The following ZNF638 variants were observed in gnomAD, a reference collection of about 807,000 sequenced individuals.
ZNF638 encodes CTCL tumor antigen se33-1.
ZNF638 carries 46 observed loss-of-function variants against 195.6 expected under a neutral mutation model. That is an observed-to-expected ratio of 0.24 (90% CI 0.19 to 0.30). The LOEUF is 0.30. ZNF638 is among the 10% of genes least tolerant of loss of function. The probability of loss-of-function intolerance (pLI) is 1.00; values close to 1 mark genes in which losing one functional copy is unlikely to be tolerated. For missense variants in ZNF638, 2,440 were observed against 2,325.3 expected (o/e 1.05, Z -1.01); for synonymous variants, 845 against 772.0 (o/e 1.09, Z -1.57).
intron 21 of ZNF638, 148 bp downstream of exon 21, chr2:71,418,787 T>G: frequency 2.1e-6 from 1 of 482,036 alleles, no homozygotes; most frequent in South Asian, 6.1e-5. Flanking sequence ...ACAGTTTTCT[T>G]TTTGGACTCA....
intron 24 of ZNF638, 44 bp from the exon 25 acceptor site, chr2:71,428,503 A>T: frequency 6.5e-7 from 1 of 1,532,274 alleles, no homozygotes; most frequent in African/African-American, 1.4e-5. Flanking sequence ...AAAGCAATTT[A>T]AATACTGTTA....
chr2:71,388,441 C>T (rs2542529), intron 10 of ZNF638: 614,641 of 684,714 alleles, frequency 0.9, 276,259 homozygotes, highest in East Asian at 0.99. Flanking sequence ...GGGGCAACAA[C>T]TACCCACAGA....
intron 20 of ZNF638, among the ~76,000 whole-genome samples, chr2:71,411,474 A>ATTTTTTTTTTTTTTTTTTTATTTTTTAT (rs537942317): frequency 8.1e-6 from 1 of 122,772 alleles, no homozygotes; most frequent in Admixed American, 8.3e-5. Flanking sequence ...TTTATTTTTA[A>ATTTTTTTTTTTTTTTTTTTATTTTTTAT]TTTTTTTTTT....
At chr2:71,391,537 T>C (rs2079777726) in intron 10 of ZNF638, among the ~76,000 whole-genome samples, 3 of 152,192 alleles carry the variant, frequency 2.0e-5, no homozygotes, top group Admixed American at 6.5e-5. Context: ...GCCAATACTT[T>C]TGAGTTTATA....
chr2:71,333,364 A>G (rs2078607125), intron 1 of ZNF638, among the ~76,000 whole-genome samples: 1 of 152,236 alleles, frequency 6.6e-6, no homozygotes, highest in Non-Finnish European at 1.5e-5. Context: ...TAACAGTTGG[A>G]AGAAATCACA....
chr2:71,393,438 G>A (rs754814090), intron 10 of ZNF638: 11 of 718,472 alleles, frequency 1.5e-5, no homozygotes, highest in Middle Eastern at 2.3e-4. Flanking sequence ...ATACCATGGC[G>A]TGGCTAGGAC....
intron 1 of ZNF638, among the ~76,000 whole-genome samples, chr2:71,338,570 A>G (rs2078711159): frequency 6.6e-6 from 1 of 152,236 alleles, no homozygotes; most frequent in African/African-American, 2.4e-5. Context: ...ACTACAAAAA[A>G]TAAAATTACT....
In ZNF638 at chr2:71,349,584, T is replaced by G; in HGVS notation, c.630T>G (p.Asp210Glu). Residue 210 changes from aspartate to glutamate, a missense_variant, in exon 2 of 28, where the codon GAT becomes GAG. Around this residue, in one of 5 missense-constraint regions of ZNF638, gnomAD observed 305 missense variants for 283.6 expected, o/e 1.08. Coordinates refer to ENST00000264447, the MANE Select transcript of ZNF638 (RefSeq NM_014497.5). ...AAGCAGTTTCAAGTAATGTGATCGATTATGGGCATGCAAGCAAATATGGCT... is the reference window on the plus strand; with the variant it reads ...AAGCAGTTTCAAGTAATGTGATCGAGTATGGGCATGCAAGCAAATATGGCT... ...GSEAVSSNVIDYGHASKYGYT... is the reference protein window; with the variant it reads ...GSEAVSSNVIEYGHASKYGYT... 6.2e-7 allele frequency: 1 copy of G among 1,614,132 alleles called. No homozygotes were observed. Among genetic ancestry groups the G allele is most frequent in the Non-Finnish European group, 8.5e-7 (1 of 1,180,018 alleles).
chr2:71,399,859 C>G (rs2079971013), intron 13 of ZNF638, among the ~76,000 whole-genome samples: 1 of 152,030 alleles, frequency 6.6e-6, no homozygotes, highest in African/African-American at 2.4e-5. Context: ...TCCAATAGGC[C>G]CCAGTGTGTT....
chr2:71,372,582 C>A (rs894334010), intron 8 of ZNF638, among the ~76,000 whole-genome samples: 1 of 152,176 alleles, frequency 6.6e-6, no homozygotes, highest in African/African-American at 2.4e-5. Context: ...TTCAGTGATA[C>A]AAAGTCAAAA....
At position 71,426,475 on chromosome 2, in the gene ZNF638, T is replaced by C; in HGVS notation, c.4606T>C (p.Phe1536Leu). Reference protein sequence around the residue: ...SKSKEEPLFPFNLDEFVTVDE... With the variant: ...SKSKEEPLFPLNLDEFVTVDE... ...TTTCCAACAGGAGCCATTATTTCCA[T>C]TTAATTTGGATGAATTTGTTACTGT... is the stretch of plus-strand genomic sequence containing the variant. Residue 1536 changes from phenylalanine (F) to leucine (L), a missense_variant, in exon 24 of 28, where the codon TTT becomes CTT. Around this residue, in one of 5 missense-constraint regions of ZNF638, gnomAD observed 1,883 missense variants for 1,739.1 expected, o/e 1.08. Coordinates refer to ENST00000264447, the MANE Select transcript of ZNF638 (RefSeq NM_014497.5). The C allele has an allele frequency of 6.4e-7, 1 of 1,570,756 alleles. No homozygotes were observed. Among genetic ancestry groups the C allele is most frequent in the Non-Finnish European group, 8.6e-7 (1 of 1,164,170 alleles).
intron 26 of ZNF638, among the ~76,000 whole-genome samples, chr2:71,432,716 T>TA (rs2152610534): frequency 6.6e-6 from 1 of 152,388 alleles, no homozygotes; most frequent in East Asian, 1.9e-4. Flanking sequence ...AAATTACTAC[T>TA]ATTGATCCCT....
In ZNF638 at chr2:71,406,133, C is replaced by G. The variant is rs2080101077; in HGVS notation, c.3006C>G (p.Asn1002Lys). 2 of 1,613,214 alleles carry G rather than the reference C, an allele frequency of 1.2e-6. No homozygotes were observed. The highest frequency in any genetic ancestry group is 1.7e-6 in the Non-Finnish European group (2 of 1,179,534). ...TLVKENDPEA[N>K]IDTIYDRFVH... ...TGTCTCTTAAAAAACTACAGGCAAA[C>G]ATAGATACAATTTATGATCGATTTG... is the stretch of plus-strand genomic sequence containing the variant. Residue 1002 changes from asparagine to lysine, a missense_variant, in exon 19 of 28, where the codon AAC (asparagine) becomes AAG (lysine). Coordinates refer to ENST00000264447, the MANE Select transcript of ZNF638 (RefSeq NM_014497.5).
chr2:71,406,372 A>G (rs555315241), intron 19 of ZNF638, 110 bp downstream of exon 19: 45 of 927,140 alleles, frequency 4.9e-5, no homozygotes, highest in African/African-American at 2.1e-4. Context: ...ATATTACTCA[A>G]CCACTTCGCA....
intron 1 of ZNF638, among the ~76,000 whole-genome samples, chr2:71,342,622 C>T (rs547578055): frequency 5.3e-5 from 8 of 152,114 alleles, no homozygotes; most frequent in East Asian, 3.9e-4. Flanking sequence ...AAAGTACATA[C>T]GAGAAGTATT....
intron 8 of ZNF638, among the ~76,000 whole-genome samples, chr2:71,373,437 ATTTTTTTTTTT>A (rs754117239): frequency 4.6e-4 from 33 of 71,050 alleles, no homozygotes; most frequent in Middle Eastern, 0.019. Flanking sequence ...TCAAGTTTGA[ATTTTTTTTTTT>A]TTTTTTTTTT....
intron 2 of ZNF638, among the ~76,000 whole-genome samples, chr2:71,354,048 C>T (rs1195327358): frequency 6.6e-6 from 1 of 152,204 alleles, no homozygotes; most frequent in Non-Finnish European, 1.5e-5. Context: ...TAAATTGATG[C>T]TGAGCATTGC....
At position 71,365,420 on chromosome 2, in the gene ZNF638, T is replaced by C; in HGVS notation, c.1718-9T>C. The C allele has an allele frequency of 6.4e-7, 1 of 1,565,588 alleles. No homozygotes were observed. On this transcript the variant is annotated splice_polypyrimidine_tract_variant and intron_variant, in intron 5 of 27. Transcript: ENST00000264447. Reference sequence around the variant, plus strand: ...TCCAATTGAAATTATATTTATATCTTTTTACTAGATAGAAAAAAAGCATTA... The same window carrying C: ...TCCAATTGAAATTATATTTATATCTCTTTACTAGATAGAAAAAAAGCATTA...
At chr2:71,367,963 A>C (rs1195207218) in intron 6 of ZNF638, among the ~76,000 whole-genome samples, 1 of 152,130 alleles carries the variant, frequency 6.6e-6, no homozygotes, top group Non-Finnish European at 1.5e-5. Context: ...ACCTGTCTAG[A>C]GATCATTTCC....
Sources: gnomAD v4.1 joint callset for allele counts (sites outside exome capture counted in the v4.1 genomes callset) on GRCh38, gnomAD v4.1.1 for gene constraint, gnomAD v4.1.1 regional missense constraint, MANE v1.5 for transcripts, NCBI Gene and HGNC (gene_info 2026-07-23, HGNC 2026-07-21) for gene names.